The following KIRREL3 variants were observed in gnomAD, a reference collection of about 807,000 sequenced individuals.
KIRREL3 encodes the protein kin of IRRE-like protein 3.
Under a neutral mutation model 89.7 loss-of-function variants are expected in KIRREL3, and 36 were observed. That is an observed-to-expected ratio of 0.40 (90% confidence interval 0.31 to 0.53). The LOEUF (loss-of-function observed/expected upper bound fraction) is 0.53, where lower values mean the gene tolerates loss of function less well. Ranked by LOEUF, KIRREL3 falls within the 20% of genes least tolerant of loss-of-function variation. The probability of loss-of-function intolerance (pLI) is 0.49; values close to 1 mark genes in which losing one functional copy is unlikely to be tolerated. For synonymous variants in KIRREL3, 445 were observed against 441.4 expected (o/e 1.01, Z -0.10); for missense variants, 864 against 1,056.6 (o/e 0.82, Z 2.53).
intron 4 of KIRREL3, among the ~76,000 whole-genome samples, chr11:126,500,078 T>C (rs556238423): frequency 6.6e-6 from 1 of 152,320 alleles, no homozygotes; most frequent in East Asian, 1.9e-4. Flanking sequence ...ATGATTTCAA[T>C]GTAAATGCTT....
chr11:126,433,882 T>A (rs962639198), intron 13 of KIRREL3, among the ~76,000 whole-genome samples: 3 of 152,236 alleles, frequency 2.0e-5, no homozygotes, highest in African/African-American at 7.2e-5. Context: ...TGGGCCTCAG[T>A]GCCTTGTCTG....
rs1356096186 is a variant in KIRREL3, at chr11:126,954,834, T to A, written c.55+45621A>T. Among the ~76,000 whole-genome samples, 2 of 151,960 alleles carry A rather than the reference T, an allele frequency of 1.3e-5. No individual in the cohort carries two copies. The highest frequency in any genetic ancestry group is 6.6e-5 in the Admixed American group (1 of 15,242). ...GAAGGCAGAAATTTATCTCCTGGAG[T>A]GTTCACCTATCATCATACGGCAAGC... On this transcript the variant is annotated intron_variant, in intron 1 of 16. Coordinates refer to ENST00000525144, the MANE Select transcript of KIRREL3 (RefSeq NM_032531.4). This position sits in a 1 kb window ranked among gnomAD's most constrained non-coding sequence, Gnocchi z 4.1.
chr11:126,634,622 C>CT lies in KIRREL3; in HGVS notation c.56-71711dup, dbSNP rs768929849. ...TGGGTCCTCAGGGTTTAAGGTTTGC[C>CT]TTTTTTCTCAAAAAAGACTTAAAGG... On this transcript the variant is annotated intron_variant, in intron 1 of 16. Coordinates refer to ENST00000525144, the MANE Select transcript of KIRREL3 (RefSeq NM_032531.4). Among the ~76,000 whole-genome samples, 5 of 152,220 alleles carry CT rather than the reference C, an allele frequency of 3.3e-5. No homozygotes were observed. The East Asian group carries it at 7.7e-4, about 24-fold the overall frequency.
At chr11:126,534,286 G>A (rs1020098183) in intron 2 of KIRREL3, among the ~76,000 whole-genome samples, 2 of 152,248 alleles carry the variant, frequency 1.3e-5, no homozygotes, top group South Asian at 4.1e-4. Flanking sequence ...GGCGTCTCCC[G>A]GGCCAATGAG....
rs188036204 is a variant in KIRREL3 at position 126,428,287 on chromosome 11, C to T, written c.1806+892G>A. On this transcript the variant is annotated intron_variant, in intron 15 of 16. Transcript: ENST00000525144. This position sits in a 1 kb window ranked among gnomAD's most constrained non-coding sequence, Gnocchi z 6.4. ...CTGCTGCCTCCACTCCAACATGTTA[C>T]GACCGAGGCAACCAGAAACTTCTAG... 4.4e-4 allele frequency among the ~76,000 whole-genome samples: 67 copies of T among 152,246 alleles called. No homozygotes were observed. The highest frequency in any genetic ancestry group is 7.9e-4 in the African/African-American group (33 of 41,546).
chr11:126,452,733 C>T (rs1414200515), intron 7 of KIRREL3, among the ~76,000 whole-genome samples: 1 of 152,180 alleles, frequency 6.6e-6, no homozygotes, highest in Admixed American at 6.5e-5. Context: ...GGTGAGGGAG[C>T]CAGAGACGGA....
At chr11:126,869,210 A>G (rs1945024043) in intron 1 of KIRREL3, among the ~76,000 whole-genome samples, 1 of 145,784 alleles carries the variant, frequency 6.9e-6, no homozygotes, top group Non-Finnish European at 1.5e-5. Flanking sequence ...TGGGTAGTTA[A>G]TGCCTCAAAT....
rs1946632903 is a variant in KIRREL3, at chr11:126,685,513, T to C, written c.56-122601A>G. Among the ~76,000 whole-genome samples the C allele has an allele frequency of 1.3e-5, 2 of 152,238 alleles. No individual in the cohort carries two copies. The highest frequency in any genetic ancestry group is 4.1e-4 in the South Asian group (2 of 4,824). ...CCCCAGTGCATAATAATAGCAGTGA[T>C]AATTAATAATCTATAGTTAATGAGA... is the stretch of plus-strand genomic sequence containing the variant. On this transcript the variant is annotated intron_variant, in intron 1 of 16. Transcript: ENST00000525144. This position sits in a 1 kb window ranked among gnomAD's most constrained non-coding sequence, Gnocchi z 5.5.
intron 6 of KIRREL3, among the ~76,000 whole-genome samples, chr11:126,461,421 C>T (rs1001614870): frequency 6.6e-6 from 1 of 152,186 alleles, no homozygotes; most frequent in African/African-American, 2.4e-5. Context: ...CTCCTTCAGT[C>T]ACCCTAGCTC....
At position 126,568,134 on chromosome 11, in the gene KIRREL3, A is replaced by C. The variant is rs187463502; in HGVS notation, c.56-5222T>G. Among the ~76,000 whole-genome samples, 492 of 152,224 alleles carry C rather than the reference A, an allele frequency of 3.2e-3. 4 individuals carry two copies. Among genetic ancestry groups the C allele is most frequent in the Non-Finnish European group, 5.0e-3 (342 of 67,996 alleles). ...CAGAAGAAAAAAGATGAGACAGGAG[A>C]TCTAGCCAGGGACCAGATCCTGGAG... On this transcript the variant is annotated intron_variant, in intron 1 of 16. Coordinates refer to ENST00000525144, the MANE Select transcript of KIRREL3 (RefSeq NM_032531.4). This position sits in a 1 kb window ranked among gnomAD's most constrained non-coding sequence, Gnocchi z 4.6.
In KIRREL3 at chr11:126,639,385, T is replaced by C. The variant is rs1944385662; in HGVS notation, c.56-76473A>G. Among the ~76,000 whole-genome samples, 1 of 152,234 alleles carries C rather than the reference T, an allele frequency of 6.6e-6. No individual in the cohort carries two copies. ...GGGTAAGCAAAAGGAAAAACGTTCCTTTGCTTTACCAAACCTCATTTAAAA... is the reference window on the plus strand; with the variant it reads ...GGGTAAGCAAAAGGAAAAACGTTCCCTTGCTTTACCAAACCTCATTTAAAA... On this transcript the variant is annotated intron_variant, in intron 1 of 16. Transcript: ENST00000525144. This position sits in a 1 kb window ranked among gnomAD's most constrained non-coding sequence, Gnocchi z 4.3.
intron 1 of KIRREL3, among the ~76,000 whole-genome samples, chr11:126,850,757 G>A (rs1389257241): frequency 1.3e-5 from 2 of 152,172 alleles, no homozygotes; most frequent in Non-Finnish European, 2.9e-5. Flanking sequence ...TCAGACTTGG[G>A]AGCCTCATCT....
intron 4 of KIRREL3, among the ~76,000 whole-genome samples, chr11:126,479,668 G>A (rs866362282): frequency 6.6e-6 from 1 of 152,238 alleles, no homozygotes; most frequent in African/African-American, 2.4e-5. Flanking sequence ...TGGACAAAGA[G>A]CACGTGTGGG....
intron 4 of KIRREL3, among the ~76,000 whole-genome samples, chr11:126,480,569 G>A (rs1957189230): frequency 6.6e-6 from 1 of 152,228 alleles, no homozygotes; most frequent in Admixed American, 6.5e-5. Context: ...TTCTGTTGGA[G>A]TTAGAGCAGC....
chr11:126,435,125 T>C (rs1355762625), intron 13 of KIRREL3, 143 bp downstream of exon 13: 20 of 868,614 alleles, frequency 2.3e-5, no homozygotes, highest in Non-Finnish European at 3.1e-5. Context: ...CTGCTTTGTC[T>C]ACACTAAACC....
chr11:126,730,230 C>T (rs1455401625), intron 1 of KIRREL3, among the ~76,000 whole-genome samples: 1 of 152,242 alleles, frequency 6.6e-6, no homozygotes, highest in Admixed American at 6.5e-5. Flanking sequence ...GCCGACTAGC[C>T]CCATCCACAT....
Position 126,622,675 on chromosome 11 carries a change from G to A in KIRREL3, c.56-59763C>T, listed in dbSNP as rs2134845547. Among the ~76,000 whole-genome samples the A allele has an allele frequency of 6.6e-6, 1 of 152,272 alleles. No individual in the cohort carries two copies. On this transcript the variant is annotated intron_variant, in intron 1 of 16. Coordinates refer to ENST00000525144, the MANE Select transcript of KIRREL3 (RefSeq NM_032531.4). This position sits in a 1 kb window ranked among gnomAD's most constrained non-coding sequence, Gnocchi z 5.2. The stretch of plus-strand genomic sequence containing the variant: ...GTGCACTCCAGCCTGGGCGACAAGA[G>A]CGAAACTCTGTCTCAAAAAACAAAA...
rs192122854 is a variant in KIRREL3 at position 126,952,139 on chromosome 11, G to A, written c.55+48316C>T. On this transcript the variant is annotated intron_variant, in intron 1 of 16. Transcript: ENST00000525144. ...GGTGGCTTACGCCTCTAATCCCAGC[G>A]CTTTGGGAGGCCGAGGCCGGTGGAT... 1.5e-3 allele frequency among the ~76,000 whole-genome samples: 235 copies of A among 152,252 alleles called. 2 individuals carry two copies. The highest frequency in any genetic ancestry group is 5.1e-3 in the African/African-American group (214 of 41,558).
At chr11:126,821,436 G>T (rs1244066991) in intron 1 of KIRREL3, among the ~76,000 whole-genome samples, 1 of 150,272 alleles carries the variant, frequency 6.7e-6, no homozygotes, top group African/African-American at 2.5e-5. Flanking sequence ...CTGGGACCTT[G>T]TAGTTTTCAG....
Sources: allele counts gnomAD v4.1 joint callset (sites outside exome capture counted in the v4.1 genomes callset), GRCh38; gene constraint gnomAD v4.1.1; non-coding constraint Gnocchi (gnomAD v3.1); transcripts MANE v1.5; gene names NCBI Gene and HGNC (gene_info 2026-07-23, HGNC 2026-07-21).